SLC31A1: variants seen among roughly 807,000 people sequenced by gnomAD.
The protein encoded by SLC31A1 is high affinity copper uptake protein 1.
Under a neutral mutation model 17.2 loss-of-function variants are expected in SLC31A1, and 5 were observed. The observed-to-expected ratio is 0.29, with a 90% CI of 0.15 to 0.61. The LOEUF is 0.61. SLC31A1 is among the 20% of genes least tolerant of loss of function. The probability of loss-of-function intolerance (pLI) is 0.86; values close to 1 mark genes in which losing one functional copy is unlikely to be tolerated. For synonymous variants in SLC31A1, 76 were observed against 78.8 expected, an observed-to-expected ratio of 0.96 and a Z score of 0.19; for missense variants, 161 against 241.4, an observed-to-expected ratio of 0.67 and a Z score of 2.21.
intron 1 of SLC31A1, among the ~76,000 whole-genome samples, chr9:113,225,533 T>G (rs1203302120): frequency 8.5e-5 from 13 of 152,342 alleles, no homozygotes; most frequent in Non-Finnish European, 1.5e-5. Context: ...GAAGGCATGG[T>G]AAACACCACT....
intron 1 of SLC31A1, among the ~76,000 whole-genome samples, chr9:113,227,949 A>G (rs1476211673): frequency 6.6e-6 from 1 of 152,244 alleles, no homozygotes; most frequent in Non-Finnish European, 1.5e-5. Context: ...AGTTCCTTTC[A>G]GAGATTAATT....
intron 1 of SLC31A1, among the ~76,000 whole-genome samples, chr9:113,253,235 G>T (rs1449902024): frequency 6.6e-6 from 1 of 152,052 alleles, no homozygotes; most frequent in Non-Finnish European, 1.5e-5. Flanking sequence ...GATTACAAGC[G>T]TGAGCCACCG....
intron 1 of SLC31A1, among the ~76,000 whole-genome samples, chr9:113,222,646 C>T (rs1831295811): frequency 6.6e-6 from 1 of 152,158 alleles, no homozygotes; most frequent in Non-Finnish European, 1.5e-5. Context: ...ATTGGTAGCT[C>T]CCTCCCAGAG....
rs572785215 is a variant in SLC31A1 at position 113,240,591 on chromosome 9, TC to T, written c.-35-15521del. On this transcript the variant is annotated intron_variant, in intron 1 of 4. Coordinates refer to ENST00000374212, the MANE Select transcript of SLC31A1 (RefSeq NM_001859.4). ...AGATTATAAATCAAAAAGATCAAGG[TC>T]CATGTTTTAGCTTTATCCTTAATTC... Among the ~76,000 whole-genome samples the T allele has an allele frequency of 5.2e-3, 785 of 152,252 alleles. 7 individuals are homozygous for T. The highest frequency in any genetic ancestry group is 0.018 in the African/African-American group (747 of 41,536).
chr9:113,257,928 T>C (rs1474674401), intron 3 of SLC31A1, among the ~76,000 whole-genome samples: 1 of 152,202 alleles, frequency 6.6e-6, no homozygotes, highest in East Asian at 1.9e-4. Flanking sequence ...GTGAAATGAC[T>C]CGCCATCAAT....
chr9:113,262,836 T>C lies in SLC31A1; in HGVS notation c.*2363T>C, dbSNP rs1831808966. ...CTCTAGAAATCTCAGCATGAGCTGC[T>C]ATAGAATACCCTCCCAGCAACAAAA... is the stretch of plus-strand genomic sequence containing the variant. On this transcript the variant is annotated 3_prime_UTR_variant, in exon 5 of 5. Coordinates refer to ENST00000374212, the MANE Select transcript of SLC31A1 (RefSeq NM_001859.4). 1 of 152,638 alleles carries C rather than the reference T, an allele frequency of 6.6e-6. No individual in the cohort carries two copies. Among genetic ancestry groups the C allele is most frequent in the African/African-American group, 2.4e-5 (1 of 41,462 alleles). 9.5% of individuals were successfully genotyped at this position (152,638 alleles called of 1,614,324 possible).
chr9:113,241,772 G>A (rs1236353121), intron 1 of SLC31A1, among the ~76,000 whole-genome samples: 2 of 152,224 alleles, frequency 1.3e-5, no homozygotes, highest in Admixed American at 1.3e-4. Flanking sequence ...ATAAAGATGA[G>A]AAGGAATTTT....
intron 1 of SLC31A1, among the ~76,000 whole-genome samples, chr9:113,252,954 CTTTTTTTT>C (rs369221979): frequency 4.0e-4 from 42 of 105,546 alleles, no homozygotes; most frequent in South Asian, 1.4e-3. Flanking sequence ...TTCTTTTTTT[CTTTTTTTT>C]TTTTTTTTTG....
intron 1 of SLC31A1, among the ~76,000 whole-genome samples, chr9:113,223,452 G>A (rs576667976): frequency 6.6e-6 from 1 of 152,240 alleles, no homozygotes; most frequent in Admixed American, 6.5e-5. Flanking sequence ...CTGAGTTTGG[G>A]CCAGGCTCCC....
At chr9:113,231,340 AATCAC>A (rs1330480070) in intron 1 of SLC31A1, among the ~76,000 whole-genome samples, 1 of 152,090 alleles carries the variant, frequency 6.6e-6, no homozygotes, top group Non-Finnish European at 1.5e-5. Context: ...GAGGCAGAAG[AATCAC>A]TTAAGGGCTG....
At chr9:113,222,319 C>G (rs7850357) in intron 1 of SLC31A1, among the ~76,000 whole-genome samples, 79,223 of 151,988 alleles carry the variant, frequency 0.52, 21,228 homozygotes, top group African/African-American at 0.64. Context: ...CACATCCCCA[C>G]CCCAACTTTG....
Position 113,260,579 on chromosome 9 carries a change from G to GAACACACACA in SLC31A1, c.*106_*107insAACACACACA. ...TCCCTTCTTGCTCCTCTTTGTGCAC[G>GAACACACACA]TACACACACACACACACACACACAC... is the stretch of plus-strand genomic sequence containing the variant. On this transcript the variant is annotated 3_prime_UTR_variant, in exon 5 of 5. Coordinates refer to ENST00000374212, the MANE Select transcript of SLC31A1 (RefSeq NM_001859.4). 1 of 590,130 alleles carries GAACACACACA rather than the reference G, an allele frequency of 1.7e-6. No individual in the cohort carries two copies. The highest frequency in any genetic ancestry group is 2.8e-6 in the Non-Finnish European group (1 of 352,636). 36.6% of individuals were successfully genotyped at this position (590,130 alleles called of 1,614,324 possible).
Position 113,261,200 on chromosome 9 carries a change from T to G in SLC31A1, c.*727T>G, listed in dbSNP as rs1292380850. 5 of 152,878 alleles carry G rather than the reference T, an allele frequency of 3.3e-5. No homozygotes were observed. The highest frequency in any genetic ancestry group is 7.3e-5 in the Non-Finnish European group (5 of 68,538). 9.5% of individuals were successfully genotyped at this position (152,878 alleles called of 1,614,324 possible). A position where few individuals can be genotyped will look rare whatever the true frequency, so the allele number is the denominator to read the frequency against. ...TCACTTGAACCTAGGAGGCGGAGGT[T>G]GCAGTGAGCCAAGATGGCGCCATTG... On this transcript the variant is annotated 3_prime_UTR_variant, in exon 5 of 5. Transcript: ENST00000374212.
At position 113,258,952 on chromosome 9, in the gene SLC31A1, C is replaced by G. The variant is rs530962115; in HGVS notation, c.371+90C>G. On this transcript the variant is annotated intron_variant, in intron 4 of 4. Coordinates refer to ENST00000374212, the MANE Select transcript of SLC31A1 (RefSeq NM_001859.4). The surrounding 1 kb of genome is among the most constrained non-coding windows in gnomAD (Gnocchi z 4.8). ...CTGTGTGATCAGCAGCAGCCCTCTT[C>G]TTGAGTTAGGAGTTCTGTATGACCT... 3.6e-6 allele frequency: 5 copies of G among 1,370,696 alleles called. No homozygotes were observed. In the East Asian group the frequency reaches 1.1e-4, roughly 31 times the overall value. 84.9% of individuals were successfully genotyped at this position (1,370,696 alleles called of 1,614,324 possible).
chr9:113,223,146 A>G, intron 1 of SLC31A1: 1 of 355,810 alleles, frequency 2.8e-6, no homozygotes, highest in South Asian at 2.1e-5. Flanking sequence ...ATGTTTAAGT[A>G]GCTTTTGTAG....
At chr9:113,246,282 C>T (rs1191874180) in intron 1 of SLC31A1, among the ~76,000 whole-genome samples, 5 of 151,972 alleles carry the variant, frequency 3.3e-5, no homozygotes, top group African/African-American at 9.7e-5. Context: ...TGGGTTCAAG[C>T]GATCTGCCTG....
intron 1 of SLC31A1, among the ~76,000 whole-genome samples, chr9:113,234,994 C>T (rs558027071): frequency 5.9e-5 from 9 of 152,104 alleles, no homozygotes; most frequent in Admixed American, 5.2e-4. Flanking sequence ...AAATAGACTA[C>T]ATTAACAGTA....
chr9:113,251,751 T>G (rs1831656638), intron 1 of SLC31A1, among the ~76,000 whole-genome samples: 1 of 152,232 alleles, frequency 6.6e-6, no homozygotes, highest in South Asian at 2.1e-4. Flanking sequence ...ATTTGTAAGT[T>G]TTAACTTTTT....
chr9:113,252,905 T>C (rs1176004466), intron 1 of SLC31A1, among the ~76,000 whole-genome samples: 1 of 152,066 alleles, frequency 6.6e-6, no homozygotes, highest in Non-Finnish European at 1.5e-5. Flanking sequence ...TTTATGAGGA[T>C]GTGTCAGTAG....
Sources: gnomAD v4.1 joint callset for allele counts (sites outside exome capture counted in the v4.1 genomes callset) on GRCh38, gnomAD v4.1.1 for gene constraint, Gnocchi (gnomAD v3.1) non-coding constraint, MANE v1.5 for transcripts, NCBI Gene and HGNC (gene_info 2026-07-23, HGNC 2026-07-21) for gene names.